Variants in ERC2 observed in about 807,000 individuals in gnomAD.
ERC2 encodes the protein ERC protein 2.
A neutral mutation model predicts 114.8 loss-of-function variants in ERC2; 42 were observed. The ratio of observed to expected loss-of-function variants is 0.37; its 90% CI spans 0.29 to 0.47. The LOEUF (loss-of-function observed/expected upper bound fraction) is 0.47, where lower values mean the gene tolerates loss of function less well. Ranked by LOEUF, ERC2 falls within the 20% of genes least tolerant of loss-of-function variation. The pLI is 0.99. For synonymous variants in ERC2, 454 were observed against 425.5 expected (o/e 1.07, Z -0.82); for missense variants, 939 against 1,150.7 (o/e 0.82, Z 2.66).
chr3:56,046,301 A>C (rs1247591306), intron 7 of ERC2, among the ~76,000 whole-genome samples: 1 of 152,206 alleles, frequency 6.6e-6, no homozygotes, highest in African/African-American at 2.4e-5. Flanking sequence ...AGCATTATTC[A>C]CTGCCATTTA....
chr3:55,539,411 C>CTTTTTTTTTTTTTT (rs1559619170), intron 17 of ERC2, among the ~76,000 whole-genome samples: 10 of 49,060 alleles, frequency 2.0e-4, no homozygotes, highest in Non-Finnish European at 3.1e-4. Flanking sequence ...CTCTTTTTTT[C>CTTTTTTTTTTTTTT]TTTCTTTTTT....
intron 14 of ERC2, among the ~76,000 whole-genome samples, chr3:55,818,174 C>T (rs1050077870): frequency 6.6e-6 from 1 of 152,170 alleles, no homozygotes; most frequent in South Asian, 2.1e-4. Flanking sequence ...CTGAATGTTT[C>T]AATACATTAT....
At chr3:55,643,498 G>T (rs2060271051) in intron 17 of ERC2, among the ~76,000 whole-genome samples, 2 of 152,100 alleles carry the variant, frequency 1.3e-5, no homozygotes. Context: ...AAAAAAATTT[G>T]CATGCAAATT....
chr3:56,409,071 G>A (rs1257766064), intron 2 of ERC2, among the ~76,000 whole-genome samples: 1 of 152,180 alleles, frequency 6.6e-6, no homozygotes, highest in Non-Finnish European at 1.5e-5. Context: ...CTGTGTTCCT[G>A]GAGGCCTGCG....
intron 7 of ERC2, among the ~76,000 whole-genome samples, chr3:56,063,716 T>C (rs977294683): frequency 2.4e-4 from 37 of 152,322 alleles, no homozygotes; most frequent in Non-Finnish European, 4.3e-4. Flanking sequence ...AAACTAATTA[T>C]ACTGAAGCAT....
intron 4 of ERC2, among the ~76,000 whole-genome samples, chr3:56,161,022 G>A (rs2082019513): frequency 1.3e-5 from 2 of 152,170 alleles, no homozygotes; most frequent in African/African-American, 4.8e-5. Context: ...GGCCTGGTGG[G>A]CGGTAATTGG....
At chr3:55,973,407 T>C (rs1217643976) in intron 12 of ERC2, among the ~76,000 whole-genome samples, 1 of 152,200 alleles carries the variant, frequency 6.6e-6, no homozygotes, top group Admixed American at 6.5e-5. Context: ...GAAGTGGTGA[T>C]GAGTCCTATT....
intron 3 of ERC2, among the ~76,000 whole-genome samples, chr3:56,219,674 GA>G (rs35098698): frequency 5.7e-4 from 70 of 123,070 alleles, no homozygotes; most frequent in African/African-American, 1.5e-3. Flanking sequence ...GCTCAAGTGC[GA>G]AAAAAAAAAA....
chr3:56,396,238 A>T (rs1385233128), intron 2 of ERC2, among the ~76,000 whole-genome samples: 1 of 152,216 alleles, frequency 6.6e-6, no homozygotes, highest in Middle Eastern at 3.2e-3. Flanking sequence ...GGGTATTTGT[A>T]ATACTAAAAA....
chr3:55,743,615 A>G (rs554749303), intron 14 of ERC2, among the ~76,000 whole-genome samples: 2 of 147,208 alleles, frequency 1.4e-5, no homozygotes, highest in African/African-American at 5.0e-5. Flanking sequence ...AAAAAAAAAG[A>G]AACAAGAAAA....
intron 16 of ERC2, among the ~76,000 whole-genome samples, chr3:55,692,621 C>G (rs2062724218): frequency 6.6e-6 from 1 of 152,184 alleles, no homozygotes; most frequent in African/African-American, 2.4e-5. Context: ...TCTGAGCCAA[C>G]TCTACCTTAT....
intron 13 of ERC2, among the ~76,000 whole-genome samples, chr3:55,902,249 G>A (rs994107925): frequency 1.3e-5 from 2 of 152,050 alleles, no homozygotes; most frequent in African/African-American, 4.8e-5. Flanking sequence ...GAAGTCTTCC[G>A]CTTCAATTTC....
At chr3:56,178,397 T>C (rs1376327991) in intron 3 of ERC2, among the ~76,000 whole-genome samples, 1 of 152,180 alleles carries the variant, frequency 6.6e-6, no homozygotes, top group Non-Finnish European at 1.5e-5. Context: ...TGTTCATGAA[T>C]TCTAGGTCAG....
intron 2 of ERC2, among the ~76,000 whole-genome samples, chr3:56,397,343 T>C (rs2060348452): frequency 7.7e-6 from 1 of 129,482 alleles, no homozygotes. Flanking sequence ...AGCACATATC[T>C]GTCTTAAAAA....
intron 14 of ERC2, among the ~76,000 whole-genome samples, chr3:55,849,205 G>A (rs987240169): frequency 5.3e-5 from 8 of 152,062 alleles, no homozygotes; most frequent in East Asian, 3.9e-4. Context: ...TAAGAGTCCC[G>A]GACCACCATA....
chr3:56,006,110 TTATC>T (rs1239911028), intron 10 of ERC2, among the ~76,000 whole-genome samples: 1 of 152,100 alleles, frequency 6.6e-6, no homozygotes, highest in African/African-American at 2.4e-5. Context: ...ATCGGTGTAT[TTATC>T]TTTTTCTGTA....
Position 55,863,923 on chromosome 3 carries a change from G to A in ERC2, c.2564+24466C>T, listed in dbSNP as rs77712181. ...TAGCCACATATGGCTCATGGCTACAGTACTGGATAGCACTAGTCTATAGTA... is the reference window on the plus strand; with the variant it reads ...TAGCCACATATGGCTCATGGCTACAATACTGGATAGCACTAGTCTATAGTA... On this transcript the variant is annotated intron_variant, in intron 14 of 17. Transcript: ENST00000288221. Among the ~76,000 whole-genome samples, 717 of 151,200 alleles carry A rather than the reference G, an allele frequency of 4.7e-3. 3 individuals are homozygous for A. Among genetic ancestry groups the A allele is most frequent in the African/African-American group, 0.016 (677 of 41,146 alleles).
intron 17 of ERC2, among the ~76,000 whole-genome samples, chr3:55,633,935 T>C (rs1305638702): frequency 1.3e-5 from 2 of 152,150 alleles, no homozygotes; most frequent in Non-Finnish European, 2.9e-5. Flanking sequence ...AAATGCCACA[T>C]ATTCTGCCCA....
chr3:55,626,222 G>GCCTTTA (rs770117787), intron 17 of ERC2, among the ~76,000 whole-genome samples: 1 of 152,150 alleles, frequency 6.6e-6, no homozygotes, highest in African/African-American at 2.4e-5. Context: ...GAGCATGCCA[G>GCCTTTA]CCTTTACCTC....
Sources: gnomAD v4.1 joint callset for allele counts (sites outside exome capture counted in the v4.1 genomes callset) on GRCh38, gnomAD v4.1.1 for gene constraint, MANE v1.5 for transcripts, NCBI Gene and HGNC (gene_info 2026-07-23, HGNC 2026-07-21) for gene names.